Variants in RTN3 observed in about 807,000 individuals in gnomAD.
RTN3 encodes the protein reticulon-3.
A neutral mutation model predicts 77.8 loss-of-function variants in RTN3; 49 were observed. The ratio of observed to expected loss-of-function variants is 0.63; its 90% CI spans 0.50 to 0.80. The LOEUF is 0.80. Among genes scored for constraint, RTN3 ranks in the 30% least tolerant of loss-of-function variants. The probability of loss-of-function intolerance (pLI) is 0.00; values close to 1 mark genes in which losing one functional copy is unlikely to be tolerated. For synonymous variants in RTN3, 464 were observed against 446.9 expected (o/e 1.04, Z -0.48); for missense variants, 1,236 against 1,211.9 (o/e 1.02, Z -0.29).
intron 3 of RTN3, among the ~76,000 whole-genome samples, chr11:63,724,175 T>TC (rs1376182362): frequency 1.6e-5 from 2 of 124,230 alleles, no homozygotes; most frequent in African/African-American, 6.3e-5. Flanking sequence ...TAGGAATTCT[T>TC]TTTTTTTTTT....
At chr11:63,683,204 A>C (rs1590762581) in intron 1 of RTN3, among the ~76,000 whole-genome samples, 1 of 152,314 alleles carries the variant, frequency 6.6e-6, no homozygotes, top group East Asian at 1.9e-4. Flanking sequence ...TTTTGCAGAT[A>C]AAAGAATGAG....
intron 3 of RTN3, among the ~76,000 whole-genome samples, chr11:63,721,389 A>G (rs2011786535): frequency 6.6e-6 from 1 of 152,078 alleles, no homozygotes; most frequent in Non-Finnish European, 1.5e-5. Context: ...CCTGGCTAAC[A>G]CGGTGAAACC....
chr11:63,714,152 A>C (rs1311352625), intron 2 of RTN3: 1 of 423,098 alleles, frequency 2.4e-6, no homozygotes, highest in Non-Finnish European at 4.7e-6. Context: ...GGTACAGGTC[A>C]GCTGTGTCCA....
chr11:63,749,991 T>C lies in RTN3; in HGVS notation c.2531T>C (p.Val844Ala). 6.2e-7 allele frequency: 1 copy of C among 1,612,032 alleles called. No homozygotes were observed. Among genetic ancestry groups the C allele is most frequent in the Non-Finnish European group, 8.5e-7 (1 of 1,178,156 alleles). ...CTTATATTCCCTTTTCTTTTGTCAG[T>C]GCACGATCTGATTTTCTGGAGAGAT... The part of the protein sequence containing the change: ...VLARLLTDFS[V>A]HDLIFWRDVK... The change falls in exon 4 of 9, where the codon GTG becomes GCG. Residue 844 changes from valine (V) to alanine (A), a missense_variant and splice_region_variant. Val to Ala is a moderately conservative substitution (Grantham distance 64). Transcript: ENST00000377819.
Position 63,681,683 on chromosome 11 carries a change from C to T in RTN3, c.47C>T (p.Ser16Leu). The change falls in exon 1 of 9, where the codon TCG becomes TTG. Residue 16 changes from serine to leucine, a missense_variant. Coordinates refer to ENST00000377819, the MANE Select transcript of RTN3 (RefSeq NM_001265589.2). ...AATQSHSISS[S>L]SFGAEPSAPG... ...ACTCAGTCCCATTCCATCTCCTCGT[C>T]GTCCTTCGGAGCCGAGCCGTCCGCG... 6.2e-7 allele frequency: 1 copy of T among 1,611,742 alleles called. No individual in the cohort carries two copies. Among genetic ancestry groups the T allele is most frequent in the African/African-American group, 1.3e-5 (1 of 74,926 alleles).
intron 3 of RTN3, among the ~76,000 whole-genome samples, chr11:63,731,145 A>G (rs1565330539): frequency 6.6e-6 from 1 of 151,780 alleles, no homozygotes; most frequent in Admixed American, 6.6e-5. Flanking sequence ...CAGTGGTGTG[A>G]TCTCAGCTCA....
chr11:63,721,166 G>A (rs1035945592), intron 3 of RTN3, 134 bp downstream of exon 3: 8 of 703,134 alleles, frequency 1.1e-5, no homozygotes, highest in African/African-American at 1.1e-4. Context: ...TGTATGATGG[G>A]AAAGGCAGAT....
chr11:63,681,500 A>G lies in RTN3; in HGVS notation c.-137A>G. On this transcript the variant is annotated 5_prime_UTR_variant, in exon 1 of 9. Transcript: ENST00000377819. ...CTAGCTGCGCTCGGCTGAGTCAGTC[A>G]GTCTGTCGGAGTCTGTCCTCGGAGC... 3 of 851,608 alleles carry G rather than the reference A, an allele frequency of 3.5e-6. No individual in the cohort carries two copies. Among genetic ancestry groups the G allele is most frequent in the Non-Finnish European group, 5.0e-6 (3 of 598,458 alleles). 52.8% of individuals were successfully genotyped at this position (851,608 alleles called of 1,614,324 possible).
intron 3 of RTN3, among the ~76,000 whole-genome samples, chr11:63,732,117 A>G (rs1200357158): frequency 1.3e-5 from 2 of 152,190 alleles, no homozygotes; most frequent in African/African-American, 4.8e-5. Context: ...AATAGAAAAA[A>G]TTAACAAAGC....
rs1222319802 is a variant in RTN3 at position 63,742,709 on chromosome 11, T to G, written c.2531-7282T>G. On this transcript the variant is annotated intron_variant, in intron 3 of 8. Transcript: ENST00000377819. ...GAATTATAGGTCAATTTGGGGATAA[T>G]TAATGTCTTGGCAATTTTGAGTCTT... Among the ~76,000 whole-genome samples the G allele has an allele frequency of 2.6e-5, 4 of 152,154 alleles. No individual in the cohort carries two copies. In the East Asian group the frequency reaches 7.7e-4, roughly 29 times the overall value.
chr11:63,681,510 A>G lies in RTN3; in HGVS notation c.-127A>G, dbSNP rs1279924668. On this transcript the variant is annotated 5_prime_UTR_variant, in exon 1 of 9. Coordinates refer to ENST00000377819, the MANE Select transcript of RTN3 (RefSeq NM_001265589.2). ...TCGGCTGAGTCAGTCAGTCTGTCGG[A>G]GTCTGTCCTCGGAGCAGGCGGAGTA... is the stretch of plus-strand genomic sequence containing the variant. 1 of 978,428 alleles carries G rather than the reference A, an allele frequency of 1.0e-6. No individual in the cohort carries two copies. Among genetic ancestry groups the G allele is most frequent in the Non-Finnish European group, 1.4e-6 (1 of 694,604 alleles). 60.6% of individuals were successfully genotyped at this position (978,428 alleles called of 1,614,324 possible). A position where few individuals can be genotyped will look rare whatever the true frequency, so the allele number is the denominator to read the frequency against.
In RTN3 at chr11:63,720,907, A is replaced by T. The variant is rs774860210; in HGVS notation, c.2405A>T (p.Asp802Val). ...ILERNVKNGS[D>V]LGISQKPITI... ...GAACGTAATGTCAAGAATGGATCTGATCTTGGGATTTCCCAGAAGCCCATC... is the reference window on the plus strand; with the variant it reads ...GAACGTAATGTCAAGAATGGATCTGTTCTTGGGATTTCCCAGAAGCCCATC... Residue 802 changes from aspartate (D) to valine (V), a missense_variant, in exon 3 of 9, where the codon GAT (aspartate) becomes GTT (valine). Around this residue, in one of 3 missense-constraint regions of RTN3, gnomAD observed 1,056 missense variants for 990.4 expected, o/e 1.07. Coordinates refer to ENST00000377819, the MANE Select transcript of RTN3 (RefSeq NM_001265589.2). The T allele has an allele frequency of 8.1e-6, 13 of 1,614,026 alleles. No homozygotes were observed. The highest frequency in any genetic ancestry group is 3.3e-4 in the Middle Eastern group (2 of 6,084).
At chr11:63,740,419 C>A (rs1016231669) in intron 3 of RTN3, among the ~76,000 whole-genome samples, 1 of 149,522 alleles carries the variant, frequency 6.7e-6, no homozygotes, top group Non-Finnish European at 1.5e-5. Context: ...GTAGCTGGGA[C>A]TACAGGTGCC....
intron 1 of RTN3, among the ~76,000 whole-genome samples, chr11:63,697,755 C>A (rs904932998): frequency 6.6e-6 from 1 of 152,098 alleles, no homozygotes; most frequent in Non-Finnish European, 1.5e-5. Context: ...GCATTACAGG[C>A]GAGAGCCACC....
At chr11:63,743,754 A>G (rs867297411) in intron 3 of RTN3, among the ~76,000 whole-genome samples, 43 of 151,842 alleles carry the variant, frequency 2.8e-4, no homozygotes, top group African/African-American at 9.0e-4. Flanking sequence ...GTCTCTACTA[A>G]AGATACAAAA....
intron 1 of RTN3, among the ~76,000 whole-genome samples, chr11:63,692,254 C>T (rs1195454557): frequency 6.6e-6 from 1 of 152,232 alleles, no homozygotes; most frequent in South Asian, 2.1e-4. Context: ...AACTCCTGAC[C>T]TCAAGTCGTC....
intron 2 of RTN3, among the ~76,000 whole-genome samples, chr11:63,717,740 G>A (rs927712381): frequency 1.3e-5 from 2 of 151,670 alleles, no homozygotes; most frequent in East Asian, 1.9e-4. Flanking sequence ...GGGGCCAGGC[G>A]TAGCGGCTCA....
At chr11:63,730,427 C>G (rs1001615229) in intron 3 of RTN3, among the ~76,000 whole-genome samples, 2 of 152,184 alleles carry the variant, frequency 1.3e-5, no homozygotes, top group Middle Eastern at 3.4e-3. Flanking sequence ...TAAAAGATAC[C>G]AGGAAGTCTT....
In RTN3 at chr11:63,720,303, GA is replaced by G; in HGVS notation, c.1805del (p.Lys602SerfsTer26). 6.2e-7 allele frequency: 1 copy of G among 1,613,392 alleles called. No individual in the cohort carries two copies. Among genetic ancestry groups the G allele is most frequent in the Non-Finnish European group, 8.5e-7 (1 of 1,179,670 alleles). On this transcript the variant is annotated frameshift_variant, in exon 3 of 9. Transcript: ENST00000377819. LOFTEE classifies it high-confidence loss of function. ...SLEDVSEVAP[E>X]KPITTENPKL... Reference sequence around the variant, plus strand: ...AGAAGATGTGAGTGAAGTTGCTCCTGAAAAGCCTATTACTACTGAGAACCCC... The same window carrying G: ...AGAAGATGTGAGTGAAGTTGCTCCTGAAAGCCTATTACTACTGAGAACCCC...
Sources: allele counts gnomAD v4.1 joint callset (sites outside exome capture counted in the v4.1 genomes callset), GRCh38; gene constraint gnomAD v4.1.1; regional missense constraint gnomAD v4.1.1; transcripts MANE v1.5; gene names NCBI Gene and HGNC (gene_info 2026-07-23, HGNC 2026-07-21).